The following SLU7 variants were observed in gnomAD, a reference collection of about 807,000 sequenced individuals.
SLU7 encodes the protein spliceosome associated SLU7, also known as pre-mRNA-splicing factor SLU7.
In SLU7, 60 loss-of-function variants were observed where a neutral mutation model predicts 87.0. The ratio of observed to expected loss-of-function variants is 0.69; its 90% CI spans 0.56 to 0.86. The LOEUF (loss-of-function observed/expected upper bound fraction) is 0.86, where lower values mean the gene tolerates loss of function less well. SLU7 is among the 40% of genes least tolerant of loss of function. SLU7 has a pLI of 0.00. For missense variants in SLU7, 507 were observed against 686.6 expected (o/e 0.74, Z 2.92); for synonymous variants, 197 against 222.0 (o/e 0.89, Z 1.00).
chr5:160,405,130 G>A lies in SLU7; in HGVS notation c.1293C>T (p.Ile431=), dbSNP rs1764956139. 1 of 1,608,412 alleles carries A rather than the reference G, an allele frequency of 6.2e-7. No homozygotes were observed. Among genetic ancestry groups the A allele is most frequent in the African/African-American group, 1.3e-5 (1 of 74,774 alleles). Residue 431 remains isoleucine (I), a synonymous_variant, in exon 13 of 16, where the codon ATC becomes ATT. Coordinates refer to ENST00000297151, the MANE Select transcript of SLU7 (RefSeq NM_006425.5). ...GGCCTTCTTTCCAGTACGATCCCCA[G>A]ATATGCTGCAGAGAGAGAAATTAAA... ...EDVKIHNHTH[I]WGSYWKEGRW...
rs1420750021 is a variant in SLU7 at position 160,403,075 on chromosome 5, C to A, written c.*210G>T. ...TAAAATCTTAATCCAATTTTAAATT[C>A]TATTCCCAAAAGCACACTTCATGTG... On this transcript the variant is annotated 3_prime_UTR_variant, in exon 16 of 16. Coordinates refer to ENST00000297151, the MANE Select transcript of SLU7 (RefSeq NM_006425.5). The A allele has an allele frequency of 8.0e-6, 3 of 374,810 alleles. No individual in the cohort carries two copies. The South Asian group carries it at 4.1e-4, about 51-fold the overall frequency. The allele number at this position is 374,810 out of a possible 1,614,324, so 23.2% of individuals were successfully genotyped here. A position where few individuals can be genotyped will look rare whatever the true frequency, so the allele number is the denominator to read the frequency against.
In SLU7 at chr5:160,404,817, G is replaced by A. The variant is rs781098293; in HGVS notation, c.1456C>T (p.Leu486Phe). 2.5e-6 allele frequency: 4 copies of A among 1,605,380 alleles called. No individual in the cohort carries two copies. The highest frequency in any genetic ancestry group is 1.3e-5 in the African/African-American group (1 of 74,826). The change falls in exon 14 of 16, where the codon CTC becomes TTC. Residue 486 changes from leucine to phenylalanine, a missense_variant. Around this residue, in one of 6 missense-constraint regions of SLU7, gnomAD observed 201 missense variants for 213.4 expected, o/e 0.94. Transcript: ENST00000297151. ...AATGATTATCAACTTACCTCCATGA[G>A]GGTTTGAGGTTTTTTCACAGATTCT... Reference protein sequence around the residue: ...GEESVKKPQTLMELHQEKLKE... With the variant: ...GEESVKKPQTFMELHQEKLKE...
chr5:160,409,900 T>C (rs1278496788), intron 6 of SLU7, among the ~76,000 whole-genome samples: 3 of 152,098 alleles, frequency 2.0e-5, no homozygotes, highest in African/African-American at 7.2e-5. Context: ...ACAAAAGAGT[T>C]GGGGCGAGGG....
intron 5 of SLU7, among the ~76,000 whole-genome samples, chr5:160,413,008 GT>G (rs1419278346): frequency 5.9e-5 from 9 of 151,846 alleles, no homozygotes; most frequent in African/African-American, 1.9e-4. Context: ...AATCATAACA[GT>G]AAAAACTGAA....
At position 160,405,141 on chromosome 5, in the gene SLU7, G is replaced by A; in HGVS notation, c.1288-6C>T. 2 of 1,595,282 alleles carry A rather than the reference G, an allele frequency of 1.3e-6. No homozygotes were observed. The highest frequency in any genetic ancestry group is 1.7e-6 in the Non-Finnish European group (2 of 1,163,982). Reference sequence around the variant, plus strand: ...CAGTACGATCCCCAGATATGCTGCAGAGAGAGAAATTAAAAAGCTTAAAAA... The same window carrying A: ...CAGTACGATCCCCAGATATGCTGCAAAGAGAGAAATTAAAAAGCTTAAAAA... On this transcript the variant is annotated splice_region_variant and splice_polypyrimidine_tract_variant and intron_variant, in intron 12 of 15. Coordinates refer to ENST00000297151, the MANE Select transcript of SLU7 (RefSeq NM_006425.5).
chr5:160,417,495 C>A (rs772148864), intron 1 of SLU7, among the ~76,000 whole-genome samples: 65 of 152,046 alleles, frequency 4.3e-4, no homozygotes, highest in Admixed American at 6.5e-4. Context: ...ACTATCATAA[C>A]GAATAGTGAC....
At position 160,407,422 on chromosome 5, in the gene SLU7, A is replaced by G. The variant is rs762680644; in HGVS notation, c.1125+54T>C. The G allele has an allele frequency of 2.6e-6, 4 of 1,511,196 alleles. No individual in the cohort carries two copies. The highest frequency in any genetic ancestry group is 3.6e-6 in the Non-Finnish European group (4 of 1,112,046). The allele number at this position is 1,511,196 out of a possible 1,614,324, so 93.6% of individuals were successfully genotyped here. On this transcript the variant is annotated intron_variant, in intron 11 of 15. Coordinates refer to ENST00000297151, the MANE Select transcript of SLU7 (RefSeq NM_006425.5). This position sits in a 1 kb window ranked among gnomAD's most constrained non-coding sequence, Gnocchi z 4.2. ...CCAAATGTAAAACTAACGCTTATTA[A>G]CTAGTAACTTCTCTTTAACAGAAGT...
At chr5:160,409,075 A>G (rs1431974886) in intron 6 of SLU7, among the ~76,000 whole-genome samples, 1 of 151,900 alleles carries the variant, frequency 6.6e-6, no homozygotes, top group African/African-American at 2.4e-5. Flanking sequence ...TGGTAACAGA[A>G]AGATTAAGAT....
Position 160,415,918 on chromosome 5 carries a change from A to G in SLU7, c.-16-608T>C, listed in dbSNP as rs542909709. On this transcript the variant is annotated intron_variant, in intron 1 of 15. Coordinates refer to ENST00000297151, the MANE Select transcript of SLU7 (RefSeq NM_006425.5). ...CTTTTTCTTTTTTTTTTAGAGACAG[A>G]GTCTCGCTCTGTTGCCCAGGCTGGA... 1.8e-3 allele frequency among the ~76,000 whole-genome samples: 269 copies of G among 151,928 alleles called. 3 individuals are homozygous for G. Among genetic ancestry groups the G allele is most frequent in the African/African-American group, 6.2e-3 (256 of 41,422 alleles).
chr5:160,412,247 A>C (rs963960117), intron 6 of SLU7, among the ~76,000 whole-genome samples: 1 of 152,224 alleles, frequency 6.6e-6, no homozygotes, highest in African/African-American at 2.4e-5. Flanking sequence ...GTGTGTCTAA[A>C]TATAAATAGT....
At chr5:160,415,038 C>T (rs1765393803) in intron 2 of SLU7, 87 bp downstream of exon 2, 1 of 1,118,732 alleles carries the variant, frequency 8.9e-7, no homozygotes, top group Non-Finnish European at 1.3e-6. Context: ...AAGAGAGGTT[C>T]CTCTCAAAGG....
At chr5:160,410,894 T>C (rs1432268567) in intron 6 of SLU7, among the ~76,000 whole-genome samples, 1 of 146,932 alleles carries the variant, frequency 6.8e-6, no homozygotes, top group Non-Finnish European at 1.5e-5. Flanking sequence ...TGAGACGGAG[T>C]CTCACTCTGT....
In SLU7 at chr5:160,406,518, C is replaced by T; in HGVS notation, c.1237G>A (p.Ala413Thr). Reference protein sequence around the residue: ...HGTVIKGQERAVACSKYEEDV... With the variant: ...HGTVIKGQERTVACSKYEEDV... The stretch of plus-strand genomic sequence containing the variant: ...TCCTCATACTTAGAGCAGGCAACAG[C>T]CCGCTCCTGTCCTTTGATGACTGTC... Residue 413 changes from alanine (A) to threonine (T), a missense_variant, in exon 12 of 16, where the codon GCT becomes ACT. Physicochemically the swap from Ala to Thr is moderately conservative, Grantham distance 58. Around this residue, in one of 6 missense-constraint regions of SLU7, gnomAD observed 201 missense variants for 213.4 expected, o/e 0.94. Transcript: ENST00000297151. 2 of 1,613,682 alleles carry T rather than the reference C, an allele frequency of 1.2e-6. No homozygotes were observed. Among genetic ancestry groups the T allele is most frequent in the South Asian group, 1.1e-5 (1 of 91,062 alleles).
At chr5:160,408,544 C>A in intron 7 of SLU7, 84 bp from the exon 8 acceptor site, 1 of 1,467,150 alleles carries the variant, frequency 6.8e-7, no homozygotes, top group Non-Finnish European at 9.4e-7. Context: ...TTAACCAAAC[C>A]CTTATTTACT....
chr5:160,414,249 A>G lies in SLU7; in HGVS notation c.324+70T>C, dbSNP rs527665552. ...CTGTTTCTACTTTAAATAGTATTGC[A>G]TTAAAAATTCTTACATTAAGTTCTT... On this transcript the variant is annotated intron_variant, in intron 3 of 15. Coordinates refer to ENST00000297151, the MANE Select transcript of SLU7 (RefSeq NM_006425.5). The G allele has an allele frequency of 5.7e-6, 7 of 1,236,722 alleles. No homozygotes were observed. The East Asian group carries it at 1.7e-4, about 31-fold the overall frequency. The allele number at this position is 1,236,722 out of a possible 1,614,324, so 76.6% of individuals were successfully genotyped here.
intron 6 of SLU7, among the ~76,000 whole-genome samples, chr5:160,409,438 A>T (rs1581066570): frequency 6.6e-6 from 1 of 152,208 alleles, no homozygotes; most frequent in African/African-American, 2.4e-5. Context: ...ACATTATAGC[A>T]TTAGTGAGGA....
intron 1 of SLU7, among the ~76,000 whole-genome samples, chr5:160,418,051 T>C (rs1252589681): frequency 6.6e-6 from 1 of 152,220 alleles, no homozygotes; most frequent in East Asian, 1.9e-4. Context: ...AAGTGCTCAA[T>C]GCCTGGGGGT....
chr5:160,410,272 C>A (rs1169217761), intron 6 of SLU7, among the ~76,000 whole-genome samples: 1 of 152,024 alleles, frequency 6.6e-6, no homozygotes, highest in African/African-American at 2.4e-5. Context: ...ATATGTGTTA[C>A]TTTCAAAATT....
chr5:160,405,521 T>C (rs1409669156), intron 12 of SLU7, among the ~76,000 whole-genome samples: 3 of 152,228 alleles, frequency 2.0e-5, no homozygotes, highest in South Asian at 2.1e-4. Flanking sequence ...ACTTCACTCA[T>C]GTATGATCAC....
Sources: gnomAD v4.1 joint callset for allele counts (sites outside exome capture counted in the v4.1 genomes callset) on GRCh38, gnomAD v4.1.1 for gene constraint, gnomAD v4.1.1 regional missense constraint, Gnocchi (gnomAD v3.1) non-coding constraint, MANE v1.5 for transcripts, NCBI Gene and HGNC (gene_info 2026-07-23, HGNC 2026-07-21) for gene names.